Variants in FHIT observed in about 807,000 individuals in gnomAD.
The protein encoded by FHIT is bis(5'-adenosyl)-triphosphatase.
Under a neutral mutation model 17.9 loss-of-function variants are expected in FHIT, and 19 were observed. The observed-to-expected ratio is 1.06, with a 90% CI of 0.74 to 1.56. The LOEUF is 1.56. Ranked by LOEUF, FHIT falls within the 40% of genes most tolerant of loss-of-function variation. The probability of loss-of-function intolerance (pLI) is 0.00; values close to 1 mark genes in which losing one functional copy is unlikely to be tolerated. For missense variants in FHIT, 248 were observed against 189.2 expected, an observed-to-expected ratio of 1.31 and a Z score of -1.82; for synonymous variants, 81 against 69.7, an observed-to-expected ratio of 1.16 and a Z score of -0.81.
intron 7 of FHIT, among the ~76,000 whole-genome samples, chr3:59,954,065 G>A: frequency 6.6e-6 from 1 of 152,180 alleles, no homozygotes. Flanking sequence ...AGCAATGGCA[G>A]TTTAACTTGA....
intron 5 of FHIT, among the ~76,000 whole-genome samples, chr3:60,117,945 G>A (rs1705052154): frequency 6.6e-6 from 1 of 152,150 alleles, no homozygotes; most frequent in African/African-American, 2.4e-5. Flanking sequence ...GTCTGGTTGT[G>A]CATCAGAATC....
chr3:61,129,520 C>G (rs2036706322), intron 2 of FHIT, among the ~76,000 whole-genome samples: 1 of 152,030 alleles, frequency 6.6e-6, no homozygotes, highest in African/African-American at 2.4e-5. Flanking sequence ...GAGATGGAGC[C>G]CAGGAGAGAT....
chr3:61,202,146 G>C lies in FHIT; in HGVS notation c.-212-1481C>G, dbSNP rs977235962. Among the ~76,000 whole-genome samples the C allele has an allele frequency of 6.9e-4, 105 of 151,946 alleles. 7 individuals carry two copies. Among genetic ancestry groups the C allele is most frequent in the Non-Finnish European group, 1.5e-5 (1 of 67,988 alleles). ...CAAAAGAAAGAGAAAAAGCCGTCTG[G>C]GAAGTGAGAAGCGCCTCTGCTCAGC... On this transcript the variant is annotated intron_variant, in intron 1 of 9. Coordinates refer to ENST00000492590, the MANE Select transcript of FHIT (RefSeq NM_002012.4).
chr3:60,164,241 T>A (rs562065213), intron 5 of FHIT, among the ~76,000 whole-genome samples: 1 of 152,180 alleles, frequency 6.6e-6, no homozygotes, highest in East Asian at 1.9e-4. Context: ...CAGCAGAACT[T>A]TCTGCCAAAG....
chr3:60,531,232 C>T (rs1003196545), intron 5 of FHIT, among the ~76,000 whole-genome samples: 1 of 150,196 alleles, frequency 6.7e-6, no homozygotes, highest in Non-Finnish European at 1.5e-5. Flanking sequence ...TAAAATAGTG[C>T]TTGTGCTCAT....
At chr3:61,076,656 G>T (rs1289860643) in intron 2 of FHIT, among the ~76,000 whole-genome samples, 1 of 152,128 alleles carries the variant, frequency 6.6e-6, no homozygotes, top group South Asian at 2.1e-4. Flanking sequence ...AACATCTTGT[G>T]TATATTGTTT....
intron 8 of FHIT, among the ~76,000 whole-genome samples, chr3:59,905,176 C>T (rs1220961164): frequency 6.6e-6 from 1 of 152,176 alleles, no homozygotes; most frequent in East Asian, 1.9e-4. Flanking sequence ...TGGTGAAGCC[C>T]CAGAAAACCC....
At chr3:60,134,921 A>G (rs901633810) in intron 5 of FHIT, among the ~76,000 whole-genome samples, 1 of 152,096 alleles carries the variant, frequency 6.6e-6, no homozygotes, top group Non-Finnish European at 1.5e-5. Context: ...AGAGGCACAG[A>G]GCAAGCACTC....
At chr3:60,889,511 C>A (rs529219906) in intron 3 of FHIT, among the ~76,000 whole-genome samples, 4 of 152,194 alleles carry the variant, frequency 2.6e-5, no homozygotes, top group Non-Finnish European at 5.9e-5. Context: ...ATCTATAGAG[C>A]ACTTCTATAT....
At chr3:59,955,066 A>G (rs56257507) in intron 7 of FHIT, among the ~76,000 whole-genome samples, 7,314 of 152,294 alleles carry the variant, frequency 0.048, 238 homozygotes, top group Admixed American at 0.1. Context: ...CTAGGTTCCC[A>G]TTACTGAGTC....
At chr3:60,758,740 A>G (rs782071718) in intron 4 of FHIT, among the ~76,000 whole-genome samples, 5 of 152,218 alleles carry the variant, frequency 3.3e-5, no homozygotes, top group Non-Finnish European at 7.3e-5. Flanking sequence ...GCACTATTTT[A>G]TGAACTAGAC....
At chr3:60,570,494 C>T (rs547488034) in intron 4 of FHIT, among the ~76,000 whole-genome samples, 2 of 152,020 alleles carry the variant, frequency 1.3e-5, no homozygotes, top group Non-Finnish European at 2.9e-5. Context: ...TAACACATTT[C>T]AAGACATTAC....
At chr3:60,179,864 A>G (rs911592235) in intron 5 of FHIT, among the ~76,000 whole-genome samples, 7 of 152,170 alleles carry the variant, frequency 4.6e-5, no homozygotes, top group African/African-American at 9.7e-5. Context: ...ACATGAAAGG[A>G]AACAGCTACC....
At chr3:59,789,426 A>G (rs1311658130) in intron 8 of FHIT, among the ~76,000 whole-genome samples, 1 of 152,170 alleles carries the variant, frequency 6.6e-6, no homozygotes, top group East Asian at 1.9e-4. Context: ...TTAATGAAAA[A>G]CACTATGCAT....
chr3:59,886,405 T>C (rs1703625318), intron 8 of FHIT: 1 of 152,216 alleles, frequency 6.6e-6, no homozygotes, highest in African/African-American at 2.4e-5. Context: ...CATAAAGAAA[T>C]ACCTGAGGCT....
In FHIT at chr3:60,334,230, T is replaced by A. The variant is rs926361694; in HGVS notation, c.103+202630A>T. On this transcript the variant is annotated intron_variant, in intron 5 of 9. Coordinates refer to ENST00000492590, the MANE Select transcript of FHIT (RefSeq NM_002012.4). ...AGTTATATGCTGAGCCAATCCTGAG[T>A]GTGTACAAAGATTTGGACTTGGAGT... 5.3e-5 allele frequency among the ~76,000 whole-genome samples: 8 copies of A among 152,268 alleles called. No individual in the cohort carries two copies. In the East Asian group the frequency reaches 1.5e-3, roughly 29 times the overall value.
intron 4 of FHIT, among the ~76,000 whole-genome samples, chr3:60,801,539 G>A (rs1480542324): frequency 6.6e-6 from 1 of 152,186 alleles, no homozygotes; most frequent in African/African-American, 2.4e-5. Context: ...ATTGGCTCCT[G>A]GCCTTCTCAT....
At chr3:60,730,593 ATGGTCAGGAGAG>A (rs2042007010) in intron 4 of FHIT, 1 of 155,336 alleles carries the variant, frequency 6.4e-6, no homozygotes, top group African/African-American at 2.4e-5. Context: ...GCCCAAGACC[ATGGTCAGGAGAG>A]TGTTCTGGAG....
At chr3:60,505,114 G>GA (rs1375468193) in intron 5 of FHIT, among the ~76,000 whole-genome samples, 2 of 152,046 alleles carry the variant, frequency 1.3e-5, no homozygotes, top group East Asian at 1.9e-4. Flanking sequence ...TGTAAAAACA[G>GA]AAAAAAACAA....
Sources: gnomAD v4.1 joint callset for allele counts (sites outside exome capture counted in the v4.1 genomes callset) on GRCh38, gnomAD v4.1.1 for gene constraint, MANE v1.5 for transcripts, NCBI Gene and HGNC (gene_info 2026-07-23, HGNC 2026-07-21) for gene names.